IL17RE: variants seen among roughly 807,000 people sequenced by gnomAD.
The protein encoded by IL17RE is interleukin-17 receptor E.
In IL17RE, 47 loss-of-function variants were observed where a neutral mutation model predicts 70.7. The ratio of observed to expected loss-of-function variants is 0.67; its 90% CI spans 0.53 to 0.85. IL17RE has a LOEUF of 0.85. Ranked by LOEUF, IL17RE falls within the 40% of genes least tolerant of loss-of-function variation. The pLI is 0.00. For synonymous variants in IL17RE, 372 were observed against 381.2 expected, an observed-to-expected ratio of 0.98 and a Z score of 0.28; for missense variants, 850 against 893.9, an observed-to-expected ratio of 0.95 and a Z score of 0.63.
chr3:9,908,537 C>G (rs2125081133), intron 7 of IL17RE, among the ~76,000 whole-genome samples: 1 of 152,288 alleles, frequency 6.6e-6, no homozygotes, highest in East Asian at 1.9e-4. Context: ...CAGCCTCATC[C>G]AAACCCATCT....
intron 4 of IL17RE, 30 bp from the exon 5 acceptor site, chr3:9,906,676 C>G (rs752412140): frequency 6.2e-7 from 1 of 1,611,842 alleles, no homozygotes. Context: ...TGATTTCTGG[C>G]CTGAGGCCAA....
chr3:9,903,306 T>G (rs549852470), intron 1 of IL17RE, 91 bp from the exon 2 acceptor site: 2 of 1,469,618 alleles, frequency 1.4e-6, no homozygotes, highest in South Asian at 1.1e-5. Flanking sequence ...ATTTGCTGAT[T>G]TGAAGCAAAG....
At chr3:9,906,619 C>T in intron 4 of IL17RE, 87 bp from the exon 5 acceptor site, 1 of 1,533,710 alleles carries the variant, frequency 6.5e-7, no homozygotes, top group Non-Finnish European at 8.9e-7. Context: ...GAGCAACTTG[C>T]CTGTAGTACC....
Position 9,915,461 on chromosome 3 carries a change from G to T in IL17RE, c.1658G>T (p.Gly553Val), listed in dbSNP as rs557700506. The T allele has an allele frequency of 3.7e-6, 5 of 1,353,356 alleles. No homozygotes were observed. In the South Asian group the frequency reaches 9.3e-5, roughly 25 times the overall value. The allele number at this position is 1,353,356 out of a possible 1,614,324, so 83.8% of individuals were successfully genotyped here. Residue 553 changes from glycine (G) to valine (V), a missense_variant, in exon 16 of 16, where the codon GGC becomes GTC. Physicochemically the swap from Gly to Val is moderately radical, Grantham distance 109. Transcript: ENST00000383814. The surrounding 1 kb of genome is among the most constrained non-coding windows in gnomAD (Gnocchi z 4.9). Reference sequence around the variant, plus strand: ...CGGACGCGCGTAGCGCGGGAGCAGGGCACTGTGCTGCTGCTGTGGAGCGGC... The same window carrying T: ...CGGACGCGCGTAGCGCGGGAGCAGGTCACTGTGCTGCTGCTGTGGAGCGGC... ...AARTRVAREQ[G>V]TVLLLWSGAD...
In IL17RE at chr3:9,914,608, T is replaced by C. The variant is rs373092881; in HGVS notation, c.1348+9T>C. The C allele has an allele frequency of 7.4e-6, 12 of 1,613,830 alleles. No homozygotes were observed. The African/African-American group carries it at 1.5e-4, about 20-fold the overall frequency. Reference sequence around the variant, plus strand: ...CCTCTTGTGTCCGGATGGTGAGTTCTTGGGGAGGGGGAGGTAAGAGGGAGG... The same window carrying C: ...CCTCTTGTGTCCGGATGGTGAGTTCCTGGGGAGGGGGAGGTAAGAGGGAGG... On this transcript the variant is annotated intron_variant, in intron 14 of 15. Transcript: ENST00000383814.
At chr3:9,914,655 T>C in intron 14 of IL17RE, 24 bp from the exon 15 acceptor site, 1 of 1,613,612 alleles carries the variant, frequency 6.2e-7, no homozygotes. Flanking sequence ...GGAACTGGGC[T>C]TGGCCTCATC....
intron 15 of IL17RE, 88 bp downstream of exon 15, chr3:9,914,865 G>A: frequency 9.2e-7 from 1 of 1,084,138 alleles, no homozygotes. Context: ...TGAGCTCTCA[G>A]CACTGCACCC....
chr3:9,903,964 C>T (rs1183374539), intron 2 of IL17RE, 68 bp from the exon 3 acceptor site: 1 of 1,587,674 alleles, frequency 6.3e-7, no homozygotes, highest in Non-Finnish European at 8.6e-7. Context: ...GGCCTCAAAT[C>T]CAGCTTGTTG....
chr3:9,912,877 AT>A (rs1172531075), intron 12 of IL17RE, among the ~76,000 whole-genome samples: 1 of 152,210 alleles, frequency 6.6e-6, no homozygotes, highest in African/African-American at 2.4e-5. Context: ...TCTAAAAAAA[AT>A]GTTTTTAATT....
At position 9,902,956 on chromosome 3, in the gene IL17RE, C is replaced by G. The variant is rs759966811; in HGVS notation, c.24C>G (p.Ala8=). ...CCATGGGGAGCTCCAGACTGGCAGC[C>G]CTGCTCCTGCCTCTCCTCCTCATAG... MGSSRLA[A]LLLPLLLIVI... Residue 8 remains alanine, a synonymous_variant, in exon 1 of 16, where the codon GCC becomes GCG. Coordinates refer to ENST00000383814, the MANE Select transcript of IL17RE (RefSeq NM_153480.2). 6.2e-7 allele frequency: 1 copy of G among 1,614,116 alleles called. No individual in the cohort carries two copies. The highest frequency in any genetic ancestry group is 1.3e-5 in the African/African-American group (1 of 74,942).
rs2125100563 is a variant in IL17RE at position 9,915,603 on chromosome 3, G to A, written c.1800G>A (p.Lys600=). Residue 600 remains lysine (K), a synonymous_variant, in exon 16 of 16, where the codon AAG becomes AAA. Coordinates refer to ENST00000383814, the MANE Select transcript of IL17RE (RefSeq NM_153480.2). The surrounding 1 kb of genome is among the most constrained non-coding windows in gnomAD (Gnocchi z 4.9). ...LLAYFSRLCA[K]GDIPPPLRAL... ...CTTACTTCAGTCGCCTCTGCGCCAA[G>A]GGCGACATCCCCCCGCCGCTGCGCG... is the stretch of plus-strand genomic sequence containing the variant. 7.0e-7 allele frequency: 1 copy of A among 1,422,728 alleles called. No homozygotes were observed. Among genetic ancestry groups the A allele is most frequent in the Non-Finnish European group, 9.2e-7 (1 of 1,091,038 alleles). 88.1% of individuals were successfully genotyped at this position (1,422,728 alleles called of 1,614,324 possible).
Position 9,907,464 on chromosome 3 carries a change from C to T in IL17RE, c.666+364C>T, listed in dbSNP as rs151187080. 7.2e-5 allele frequency among the ~76,000 whole-genome samples: 11 copies of T among 151,904 alleles called. No individual in the cohort carries two copies. In the East Asian group the frequency reaches 1.7e-3, roughly 24 times the overall value. On this transcript the variant is annotated intron_variant, in intron 6 of 15. Transcript: ENST00000383814. ...CAGAAAAGGCAGACGGCCTTGTCAC[C>T]GGGAAGAACAGGAAAGGCAGGCAGA...
chr3:9,915,538 G>A lies in IL17RE; in HGVS notation c.1735G>A (p.Ala579Thr). ...CGACCCCCGCGCCGCGCCCCTGCTC[G>A]CCCTGCTCCACGCTGCCCCGCGCCC... The part of the protein sequence containing the change: ...GPDPRAAPLL[A>T]LLHAAPRPLL... The change falls in exon 16 of 16, where the codon GCC (alanine) becomes ACC (threonine). Residue 579 changes from alanine (A) to threonine (T), a missense_variant. Transcript: ENST00000383814. The surrounding 1 kb of genome is among the most constrained non-coding windows in gnomAD (Gnocchi z 4.9). 3 of 1,367,192 alleles carry A rather than the reference G, an allele frequency of 2.2e-6. No homozygotes were observed. The highest frequency in any genetic ancestry group is 3.5e-5 in the South Asian group (2 of 57,804). The allele number at this position is 1,367,192 out of a possible 1,614,324, so 84.7% of individuals were successfully genotyped here.
At chr3:9,906,020 C>T (rs142968009) in intron 3 of IL17RE, among the ~76,000 whole-genome samples, 9,874 of 151,928 alleles carry the variant, frequency 0.065, 423 homozygotes, top group South Asian at 0.11. Context: ...GAGGCCGAGG[C>T]GGGCGGATCA....
rs371330690 is a variant in IL17RE at position 9,908,292 on chromosome 3, C to A, written c.720C>A (p.Pro240=). 62 of 1,614,016 alleles carry A rather than the reference C, an allele frequency of 3.8e-5. No individual in the cohort carries two copies. Among genetic ancestry groups the A allele is most frequent in the Non-Finnish European group, 4.8e-5 (57 of 1,180,000 alleles). ...TVELPYEFLL[P]CLCIEASYLQ... is the part of the protein sequence containing the mutation. Reference sequence around the variant, plus strand: ...AGCTGCCTTATGAATTCCTTCTGCCCTGTCTGTGCATAGAGGTGAGCAAAG... The same window carrying A: ...AGCTGCCTTATGAATTCCTTCTGCCATGTCTGTGCATAGAGGTGAGCAAAG... The change falls in exon 7 of 16, where the codon CCC becomes CCA. Residue 240 remains proline (P), a synonymous_variant. Coordinates refer to ENST00000383814, the MANE Select transcript of IL17RE (RefSeq NM_153480.2).
At position 9,911,058 on chromosome 3, in the gene IL17RE, C is replaced by A; in HGVS notation, c.978+18C>A. On this transcript the variant is annotated intron_variant, in intron 9 of 15. Coordinates refer to ENST00000383814, the MANE Select transcript of IL17RE (RefSeq NM_153480.2). ...CAGATGGGGTGAGGACAGGTTCCCC[C>A]AGGACCAGGGTGGGCAGGGCTGGGG... is the stretch of plus-strand genomic sequence containing the variant. 1 of 1,614,134 alleles carries A rather than the reference C, an allele frequency of 6.2e-7. No homozygotes were observed. The highest frequency in any genetic ancestry group is 8.5e-7 in the Non-Finnish European group (1 of 1,179,984).
At chr3:9,908,711 C>T (rs964651196) in intron 7 of IL17RE, among the ~76,000 whole-genome samples, 1 of 152,170 alleles carries the variant, frequency 6.6e-6, no homozygotes, top group Non-Finnish European at 1.5e-5. Context: ...TCCTCCTTTT[C>T]TCTTTACAAG....
At chr3:9,903,764 T>C (rs1232866068) in intron 2 of IL17RE, among the ~76,000 whole-genome samples, 1 of 152,250 alleles carries the variant, frequency 6.6e-6, no homozygotes, top group African/African-American at 2.4e-5. Flanking sequence ...TCCCCTTAAC[T>C]GATCCCTCAC....
In IL17RE at chr3:9,902,989, C is replaced by G; in HGVS notation, c.57C>G (p.Asp19Glu). The G allele has an allele frequency of 1.9e-6, 3 of 1,614,204 alleles. No individual in the cohort carries two copies. The highest frequency in any genetic ancestry group is 2.5e-6 in the Non-Finnish European group (3 of 1,179,994). ...LLLPLLLIVI[D>E]LSDSAGIGFR... ...TGCCTCTCCTCCTCATAGTCATCGA[C>G]CTCTCTGACTCTGCTGGGATTGGCT... The change falls in exon 1 of 16, where the codon GAC becomes GAG. Residue 19 changes from aspartate (D) to glutamate (E), a missense_variant. Physicochemically the swap from Asp to Glu is conservative, Grantham distance 45. Transcript: ENST00000383814.
Sources: allele counts gnomAD v4.1 joint callset (sites outside exome capture counted in the v4.1 genomes callset), GRCh38; gene constraint gnomAD v4.1.1; non-coding constraint Gnocchi (gnomAD v3.1); transcripts MANE v1.5; gene names NCBI Gene and HGNC (gene_info 2026-07-23, HGNC 2026-07-21).